CA10: variants seen among roughly 807,000 people sequenced by gnomAD.
The protein encoded by CA10 is carbonic anhydrase 10 (inactive).
In CA10, 14 loss-of-function variants were observed where a neutral mutation model predicts 44.2. That is an observed-to-expected ratio of 0.32 (90% CI 0.21 to 0.50). The LOEUF is 0.50. Among genes scored for constraint, CA10 ranks in the 20% least tolerant of loss-of-function variants. CA10 has a pLI of 0.99. For missense variants in CA10, 350 were observed against 409.7 expected, an observed-to-expected ratio of 0.85 and a Z score of 1.26; for synonymous variants, 159 against 141.6, an observed-to-expected ratio of 1.12 and a Z score of -0.87.
rs149145100 is a variant in CA10 at position 51,969,805 on chromosome 17, T to C, written c.137-38673A>G. 3.4e-3 allele frequency among the ~76,000 whole-genome samples: 521 copies of C among 151,828 alleles called. 14 individuals are homozygous for C. Among genetic ancestry groups the C allele is most frequent in the Non-Finnish European group, 5.0e-4 (34 of 67,856 alleles). On this transcript the variant is annotated intron_variant, in intron 2 of 8. Coordinates refer to ENST00000451037, the MANE Select transcript of CA10 (RefSeq NM_020178.5). ...TATGAGTAGGAAATAAGCAGAAAAG[T>C]CCACTCCAGGCAGAGGCAAACAGTA...
intron 3 of CA10, among the ~76,000 whole-genome samples, chr17:51,750,137 A>T (rs906880116): frequency 6.6e-6 from 1 of 152,026 alleles, no homozygotes; most frequent in Non-Finnish European, 1.5e-5. Context: ...AATATAACCT[A>T]TTTTTTCTAA....
intron 1 of CA10, among the ~76,000 whole-genome samples, chr17:52,128,977 C>A (rs1023330221): frequency 3.3e-5 from 5 of 152,184 alleles, no homozygotes; most frequent in Admixed American, 6.6e-5. Context: ...TTAGACCCAG[C>A]ATCTTGAGTT....
intron 2 of CA10, among the ~76,000 whole-genome samples, chr17:51,965,937 C>T (rs1984062279): frequency 6.6e-6 from 1 of 151,854 alleles, no homozygotes; most frequent in Non-Finnish European, 1.5e-5. Flanking sequence ...TTTGTCCACA[C>T]TGCTGATAAT....
At chr17:52,116,921 G>A (rs376148585) in intron 1 of CA10, among the ~76,000 whole-genome samples, 16 of 152,264 alleles carry the variant, frequency 1.1e-4, no homozygotes, top group East Asian at 9.7e-4. Flanking sequence ...TATGCTTTGC[G>A]TGTCTTAATT....
At chr17:51,885,196 T>G (rs1980544724) in intron 3 of CA10, among the ~76,000 whole-genome samples, 1 of 152,100 alleles carries the variant, frequency 6.6e-6, no homozygotes, top group South Asian at 2.1e-4. Context: ...AAGCCCAGAG[T>G]TTTGTCTGAT....
chr17:51,697,477 C>T lies in CA10; in HGVS notation c.466-43741G>A, dbSNP rs566092232. On this transcript the variant is annotated intron_variant, in intron 4 of 8. Transcript: ENST00000451037. ...TCAAGTCTTGGCTCTCATGTCCCCTCCTCCATGAGGCTTGTCCTGACTCTT... is the reference window on the plus strand; with the variant it reads ...TCAAGTCTTGGCTCTCATGTCCCCTTCTCCATGAGGCTTGTCCTGACTCTT... Among the ~76,000 whole-genome samples the T allele has an allele frequency of 5.9e-5, 9 of 152,332 alleles. No homozygotes were observed. In the East Asian group the frequency reaches 1.5e-3, roughly 26 times the overall value.
intron 2 of CA10, among the ~76,000 whole-genome samples, chr17:52,045,573 T>G (rs779377528): frequency 1.8e-4 from 28 of 152,014 alleles, no homozygotes; most frequent in Non-Finnish European, 3.4e-4. Context: ...GTTGTAAGGT[T>G]TCCATATGCT....
intron 2 of CA10, among the ~76,000 whole-genome samples, chr17:51,956,164 G>A (rs1983658704): frequency 4.7e-5 from 1 of 21,492 alleles, no homozygotes; most frequent in African/African-American, 1.1e-4. Context: ...TCTGCCATTT[G>A]ATTCAGATTT....
intron 2 of CA10, among the ~76,000 whole-genome samples, chr17:52,026,636 G>C (rs1004739781): frequency 2.0e-5 from 3 of 152,144 alleles, no homozygotes; most frequent in African/African-American, 4.8e-5. Context: ...GAAGCAAACA[G>C]ATCCTTCTTC....
intron 4 of CA10, among the ~76,000 whole-genome samples, chr17:51,710,126 C>T (rs1391965073): frequency 6.6e-6 from 1 of 152,168 alleles, no homozygotes; most frequent in African/African-American, 2.4e-5. Flanking sequence ...TAAAATGAGT[C>T]AGCACTGAAG....
At chr17:51,921,419 C>G (rs1239825660) in intron 3 of CA10, among the ~76,000 whole-genome samples, 5 of 152,140 alleles carry the variant, frequency 3.3e-5, no homozygotes, top group Non-Finnish European at 7.4e-5. Context: ...TATGTCTGAG[C>G]CTGCACAGAA....
chr17:51,930,510 G>A (rs1335755521), intron 3 of CA10, among the ~76,000 whole-genome samples: 5 of 152,130 alleles, frequency 3.3e-5, no homozygotes, highest in Non-Finnish European at 5.9e-5. Context: ...TAGCAAGCAA[G>A]ATGCCCCTAG....
chr17:52,052,388 A>G (rs1346862903), intron 2 of CA10, among the ~76,000 whole-genome samples: 1 of 151,702 alleles, frequency 6.6e-6, no homozygotes, highest in African/African-American at 2.4e-5. Flanking sequence ...CATTGAAACA[A>G]TGGAGTTAAG....
At chr17:51,893,629 T>C (rs1980952754) in intron 3 of CA10, among the ~76,000 whole-genome samples, 1 of 152,192 alleles carries the variant, frequency 6.6e-6, no homozygotes, top group South Asian at 2.1e-4. Context: ...TAATGTATGC[T>C]AAATTTTCAG....
At chr17:51,841,252 T>C (rs1758220531) in intron 3 of CA10, among the ~76,000 whole-genome samples, 1 of 152,214 alleles carries the variant, frequency 6.6e-6, no homozygotes, top group Non-Finnish European at 1.5e-5. Flanking sequence ...TCATTCACAG[T>C]TGCCATCTTA....
chr17:51,707,469 G>A (rs1263971), intron 4 of CA10, among the ~76,000 whole-genome samples: 58,494 of 151,972 alleles, frequency 0.38, 11,658 homozygotes, highest in Middle Eastern at 0.46. Flanking sequence ...CTCACAGGTT[G>A]CCAGAAATAT....
chr17:51,784,005 G>A (rs997872902), intron 3 of CA10, among the ~76,000 whole-genome samples: 3 of 152,138 alleles, frequency 2.0e-5, no homozygotes, highest in Non-Finnish European at 4.4e-5. Flanking sequence ...GGAGTGCAGC[G>A]GGGATGGTAC....
chr17:51,857,975 A>T (rs1432238927), intron 3 of CA10, among the ~76,000 whole-genome samples: 1 of 152,178 alleles, frequency 6.6e-6, no homozygotes, highest in Non-Finnish European at 1.5e-5. Context: ...CCACTGTCTG[A>T]AATTCAGGGG....
intron 5 of CA10, among the ~76,000 whole-genome samples, chr17:51,649,985 T>TCAGCCAGC (rs4058506): frequency 1.3e-5 from 2 of 150,626 alleles, no homozygotes; most frequent in African/African-American, 4.9e-5. Flanking sequence ...AGCCAGCCAG[T>TCAGCCAGC]CAGCCAGCCA....
Sources: allele counts gnomAD v4.1 joint callset (sites outside exome capture counted in the v4.1 genomes callset), GRCh38; gene constraint gnomAD v4.1.1; transcripts MANE v1.5; gene names NCBI Gene and HGNC (gene_info 2026-07-23, HGNC 2026-07-21).